The following GRAMD1B variants were observed in gnomAD, a reference collection of about 807,000 sequenced individuals.
GRAMD1B encodes the protein GRAM domain containing 1B, also known as protein Aster-B.
Under a neutral mutation model 99.7 loss-of-function variants are expected in GRAMD1B, and 37 were observed. That is an observed-to-expected ratio of 0.37 (90% CI 0.29 to 0.49). The LOEUF (loss-of-function observed/expected upper bound fraction) is 0.49, where lower values mean the gene tolerates loss of function less well. GRAMD1B is among the 20% of genes least tolerant of loss of function. The pLI is 0.98. For synonymous variants in GRAMD1B, 427 were observed against 387.6 expected, an observed-to-expected ratio of 1.10 and a Z score of -1.19; for missense variants, 888 against 1,009.2, an observed-to-expected ratio of 0.88 and a Z score of 1.63.
intron 7 of GRAMD1B, chr11:123,599,516 A>AGGCT: frequency 1.8e-6 from 1 of 543,850 alleles, no homozygotes; most frequent in Non-Finnish European, 3.5e-6. Context: ...TCTGTCACCC[A>AGGCT]GGCTGGAGTG....
intron 2 of GRAMD1B, among the ~76,000 whole-genome samples, chr11:123,566,697 C>T (rs939109304): frequency 6.6e-6 from 1 of 151,442 alleles, no homozygotes; most frequent in African/African-American, 2.4e-5. Flanking sequence ...ACTCAGGAAG[C>T]GGAGCTTGCA....
intron 1 of GRAMD1B, among the ~76,000 whole-genome samples, chr11:123,436,751 G>A (rs1297582694): frequency 6.6e-6 from 1 of 152,148 alleles, no homozygotes; most frequent in Non-Finnish European, 1.5e-5. Context: ...ACATAAGACG[G>A]CACAATTTTT....
At chr11:123,478,129 CCA>C (rs1286848548) in intron 1 of GRAMD1B, among the ~76,000 whole-genome samples, 5 of 152,218 alleles carry the variant, frequency 3.3e-5, no homozygotes, top group African/African-American at 4.8e-5. Context: ...CTTCCTCCCA[CCA>C]CAGTCTTCCG....
chr11:123,540,722 T>A (rs1406452147), intron 2 of GRAMD1B, among the ~76,000 whole-genome samples: 1 of 152,142 alleles, frequency 6.6e-6, no homozygotes, highest in African/African-American at 2.4e-5. Context: ...TTTATATCCT[T>A]CAAGCTATTT....
chr11:123,384,313 T>C (rs1946986186), intron 1 of GRAMD1B, among the ~76,000 whole-genome samples: 1 of 152,252 alleles, frequency 6.6e-6, no homozygotes, highest in Admixed American at 6.5e-5. Context: ...ATTTCCCAAA[T>C]GCCAAATCCA....
intron 8 of GRAMD1B, among the ~76,000 whole-genome samples, chr11:123,601,822 G>C (rs1325179875): frequency 1.3e-5 from 2 of 152,164 alleles, no homozygotes; most frequent in Admixed American, 6.5e-5. Flanking sequence ...TAAGACACAG[G>C]GTCATTCATA....
intron 2 of GRAMD1B, among the ~76,000 whole-genome samples, chr11:123,556,724 A>G (rs771137755): frequency 1.3e-5 from 2 of 152,190 alleles, no homozygotes; most frequent in Non-Finnish European, 2.9e-5. Flanking sequence ...GAATTTAGGC[A>G]CCAAATAGCT....
At position 123,485,644 on chromosome 11, in the gene GRAMD1B, T is replaced by A. The variant is rs561165102; in HGVS notation, c.452+4751T>A. Among the ~76,000 whole-genome samples, 9 of 152,064 alleles carry A rather than the reference T, an allele frequency of 5.9e-5. No homozygotes were observed. The South Asian group carries it at 1.7e-3, about 28-fold the overall frequency. On this transcript the variant is annotated intron_variant, in intron 2 of 19. Transcript: ENST00000635736. ...CAGAGATAAGAATAATTCTTCCAGGTGTCCAGTAGAAAGCAAAATAGGTAA... is the reference window on the plus strand; with the variant it reads ...CAGAGATAAGAATAATTCTTCCAGGAGTCCAGTAGAAAGCAAAATAGGTAA...
At chr11:123,619,543 G>A in intron 19 of GRAMD1B, 1 of 1,191,924 alleles carries the variant, frequency 8.4e-7, no homozygotes, top group Non-Finnish European at 1.1e-6. Flanking sequence ...CATTTAAACA[G>A]AGAACCCCCT....
chr11:123,403,242 T>G lies in GRAMD1B; in HGVS notation c.-176+44443T>G, dbSNP rs188090113. On this transcript the variant is annotated intron_variant, in intron 1 of 20. Coordinates refer to the GRAMD1B transcript ENST00000638157. Reference sequence around the variant, plus strand: ...GAGTTTAAGACCAGCCTGACCAACATGGTGAAACCCTGTCTCTACTAAAAT... The same window carrying G: ...GAGTTTAAGACCAGCCTGACCAACAGGGTGAAACCCTGTCTCTACTAAAAT... Among the ~76,000 whole-genome samples, 216 of 152,054 alleles carry G rather than the reference T, an allele frequency of 1.4e-3. 1 individual carries two copies. The highest frequency in any genetic ancestry group is 5.1e-3 in the African/African-American group (212 of 41,502).
chr11:123,418,997 A>C (rs535318457), intron 1 of GRAMD1B, among the ~76,000 whole-genome samples: 1 of 152,300 alleles, frequency 6.6e-6, no homozygotes, highest in East Asian at 1.9e-4. Context: ...GCACATCACT[A>C]ATTGCGATAC....
chr11:123,454,117 C>T (rs780956601), intron 1 of GRAMD1B, among the ~76,000 whole-genome samples: 2 of 152,154 alleles, frequency 1.3e-5, no homozygotes, highest in South Asian at 4.1e-4. Context: ...CTGGGACAAG[C>T]GTTCTTTCCG....
At chr11:123,404,013 A>G (rs1283456378) in intron 1 of GRAMD1B, among the ~76,000 whole-genome samples, 1 of 152,256 alleles carries the variant, frequency 6.6e-6, no homozygotes, top group Non-Finnish European at 1.5e-5. Flanking sequence ...AGAACCTAGG[A>G]CATTTGACTT....
intron 2 of GRAMD1B, among the ~76,000 whole-genome samples, chr11:123,550,630 G>T (rs1057276131): frequency 3.3e-5 from 5 of 152,206 alleles, no homozygotes; most frequent in Non-Finnish European, 7.3e-5. Context: ...AGGGACTCAA[G>T]ATCTGTTTTT....
intron 2 of GRAMD1B, among the ~76,000 whole-genome samples, chr11:123,486,812 G>A (rs932313382): frequency 6.6e-6 from 1 of 152,236 alleles, no homozygotes; most frequent in African/African-American, 2.4e-5. Flanking sequence ...GCTCATGCCT[G>A]TAATCCCAGC....
chr11:123,592,965 C>T (rs1011300829), intron 4 of GRAMD1B, among the ~76,000 whole-genome samples: 2 of 151,978 alleles, frequency 1.3e-5, no homozygotes. Flanking sequence ...GGCGCGGTGG[C>T]TCACTCCTGT....
intron 17 of GRAMD1B, among the ~76,000 whole-genome samples, chr11:123,618,191 G>A (rs975495898): frequency 1.3e-5 from 2 of 152,074 alleles, no homozygotes; most frequent in Non-Finnish European, 2.9e-5. Flanking sequence ...TCCTTGCTGG[G>A]TCGTCTCATC....
intron 1 of GRAMD1B, among the ~76,000 whole-genome samples, chr11:123,454,131 G>T (rs1234389144): frequency 6.6e-6 from 1 of 152,166 alleles, no homozygotes; most frequent in Non-Finnish European, 1.5e-5. Flanking sequence ...CTTTCCGCAG[G>T]CAGCTTTGCA....
chr11:123,501,623 A>G (rs917096354), intron 2 of GRAMD1B, among the ~76,000 whole-genome samples: 7 of 152,114 alleles, frequency 4.6e-5, no homozygotes, highest in Non-Finnish European at 2.9e-5. Flanking sequence ...CCAGAGGTGG[A>G]GGTGTGTGAG....
Sources: gnomAD v4.1 joint callset for allele counts (sites outside exome capture counted in the v4.1 genomes callset) on GRCh38, gnomAD v4.1.1 for gene constraint, MANE v1.5 for transcripts, NCBI Gene and HGNC (gene_info 2026-07-23, HGNC 2026-07-21) for gene names.